Variants in ADAMTS3 observed in about 807,000 individuals in gnomAD.
The protein encoded by ADAMTS3 is A disintegrin and metalloproteinase with thrombospondin motifs 3.
A neutral mutation model predicts 129.0 loss-of-function variants in ADAMTS3; 73 were observed. The ratio of observed to expected loss-of-function variants is 0.57; its 90% CI spans 0.47 to 0.69. The LOEUF is 0.69. Ranked by LOEUF, ADAMTS3 falls within the 30% of genes least tolerant of loss-of-function variation. The probability of loss-of-function intolerance (pLI) is 0.00; values close to 1 mark genes in which losing one functional copy is unlikely to be tolerated. For missense variants in ADAMTS3, 1,457 were observed against 1,514.5 expected, an observed-to-expected ratio of 0.96 and a Z score of 0.63; for synonymous variants, 477 against 510.8, an observed-to-expected ratio of 0.93 and a Z score of 0.89.
At chr4:72,322,919 T>A in intron 6 of ADAMTS3, 95 bp downstream of exon 6, 3 of 977,518 alleles carry the variant, frequency 3.1e-6, no homozygotes, top group Non-Finnish European at 4.8e-6. Flanking sequence ...ATGGAATATA[T>A]CTATGCCTTA....
chr4:72,329,739 A>T (rs1449375470), intron 5 of ADAMTS3, among the ~76,000 whole-genome samples: 1 of 149,582 alleles, frequency 6.7e-6, no homozygotes, highest in African/African-American at 2.5e-5. Context: ...AACATTCTCA[A>T]CTTTCTTTCA....
chr4:72,406,837 T>C (rs1722064422), intron 4 of ADAMTS3, among the ~76,000 whole-genome samples: 1 of 152,140 alleles, frequency 6.6e-6, no homozygotes, highest in African/African-American at 2.4e-5. Context: ...ATAGTCCCAA[T>C]ATGTTTCAGA....
chr4:72,432,789 A>G (rs1722730632), intron 3 of ADAMTS3, among the ~76,000 whole-genome samples: 1 of 151,932 alleles, frequency 6.6e-6, no homozygotes, highest in African/African-American at 2.4e-5. Context: ...ACATTTTTTT[A>G]CATAATCAGT....
chr4:72,296,974 T>A (rs1010199670), intron 18 of ADAMTS3, among the ~76,000 whole-genome samples: 1 of 152,132 alleles, frequency 6.6e-6, no homozygotes, highest in Admixed American at 6.6e-5. Flanking sequence ...TTGGGCCTGT[T>A]TAACTGTGTT....
chr4:72,456,975 A>T (rs777087775), intron 3 of ADAMTS3, among the ~76,000 whole-genome samples: 1 of 151,730 alleles, frequency 6.6e-6, no homozygotes, highest in African/African-American at 2.4e-5. Context: ...TTAAGTTTGT[A>T]GAAATCATCA....
intron 3 of ADAMTS3, among the ~76,000 whole-genome samples, chr4:72,506,861 T>G (rs1452753652): frequency 6.6e-6 from 1 of 152,182 alleles, no homozygotes; most frequent in Non-Finnish European, 1.5e-5. Context: ...TCCTTCATGA[T>G]TCCAGTGGAT....
At chr4:72,453,121 A>G (rs919129148) in intron 3 of ADAMTS3, among the ~76,000 whole-genome samples, 1 of 151,838 alleles carries the variant, frequency 6.6e-6, no homozygotes, top group Non-Finnish European at 1.5e-5. Flanking sequence ...GCCACAGGCC[A>G]TTGCTTTATT....
intron 3 of ADAMTS3, among the ~76,000 whole-genome samples, chr4:72,448,639 A>C (rs1011229534): frequency 1.3e-5 from 2 of 151,710 alleles, no homozygotes; most frequent in Non-Finnish European, 2.9e-5. Flanking sequence ...AACTGTTCTA[A>C]ACTTTTCAAT....
chr4:72,530,966 T>C (rs1721027107), intron 3 of ADAMTS3, among the ~76,000 whole-genome samples: 1 of 149,602 alleles, frequency 6.7e-6, no homozygotes, highest in Non-Finnish European at 1.5e-5. Flanking sequence ...AAAGTCATAG[T>C]AAAATGTTTG....
chr4:72,516,277 T>A (rs1033171922), intron 3 of ADAMTS3, among the ~76,000 whole-genome samples: 1 of 152,198 alleles, frequency 6.6e-6, no homozygotes, highest in African/African-American at 2.4e-5. Context: ...GCGTGATGCC[T>A]CCAGCTTCGT....
chr4:72,335,437 A>C (rs947694003), intron 5 of ADAMTS3, among the ~76,000 whole-genome samples: 14 of 152,146 alleles, frequency 9.2e-5, no homozygotes, highest in African/African-American at 3.4e-4. Flanking sequence ...ACAACAGATA[A>C]ACCAAAGGGA....
chr4:72,521,828 A>G (rs1288170051), intron 3 of ADAMTS3, among the ~76,000 whole-genome samples: 1 of 152,208 alleles, frequency 6.6e-6, no homozygotes, highest in Non-Finnish European at 1.5e-5. Flanking sequence ...ATAGTAACCC[A>G]CATATAAATG....
intron 3 of ADAMTS3, among the ~76,000 whole-genome samples, chr4:72,445,525 C>A (rs570279450): frequency 6.6e-6 from 1 of 151,726 alleles, no homozygotes; most frequent in South Asian, 2.1e-4. Flanking sequence ...ATAGAAGGAA[C>A]TTTTAATGCC....
At position 72,452,756 on chromosome 4, in the gene ADAMTS3, G is replaced by A. The variant is rs184723828; in HGVS notation, c.505-37785C>T. Among the ~76,000 whole-genome samples, 78 of 151,794 alleles carry A rather than the reference G, an allele frequency of 5.1e-4. 2 individuals carry two copies. The East Asian group carries it at 0.011, about 21-fold the overall frequency. ...CCTACAAATTGGGCAGGTTCCCTGG[G>A]CTTTGGTACCTGCCCACCACTTCCT... On this transcript the variant is annotated intron_variant, in intron 3 of 21. Transcript: ENST00000286657.
At chr4:72,286,868 G>T (rs1718519071) in intron 21 of ADAMTS3, among the ~76,000 whole-genome samples, 1 of 152,006 alleles carries the variant, frequency 6.6e-6, no homozygotes, top group African/African-American at 2.4e-5. Context: ...AAGAGAAAAA[G>T]ATGTCAGTGG....
chr4:72,325,857 T>G (rs74471942), intron 5 of ADAMTS3, among the ~76,000 whole-genome samples: 1,690 of 152,230 alleles, frequency 0.011, 19 homozygotes, highest in African/African-American at 0.039. Context: ...CTTGTGATAT[T>G]TGAGTTAGTA....
chr4:72,488,069 T>G (rs1719636879), intron 3 of ADAMTS3, among the ~76,000 whole-genome samples: 1 of 152,206 alleles, frequency 6.6e-6, no homozygotes, highest in East Asian at 1.9e-4. Context: ...CCAGAAAAGT[T>G]ACACAATCAA....
At chr4:72,530,469 T>A (rs932695752) in intron 3 of ADAMTS3, among the ~76,000 whole-genome samples, 1 of 89,688 alleles carries the variant, frequency 1.1e-5, no homozygotes, top group Non-Finnish European at 1.9e-5. Context: ...TTAAATATAT[T>A]AATTTAATAT....
chr4:72,480,509 C>A (rs1458077594), intron 3 of ADAMTS3, among the ~76,000 whole-genome samples: 4 of 151,096 alleles, frequency 2.6e-5, no homozygotes, highest in African/African-American at 9.8e-5. Flanking sequence ...AACACATGGA[C>A]ACAGGAAGGG....
Sources: gnomAD v4.1 joint callset for allele counts (sites outside exome capture counted in the v4.1 genomes callset) on GRCh38, gnomAD v4.1.1 for gene constraint, MANE v1.5 for transcripts, NCBI Gene and HGNC (gene_info 2026-07-23, HGNC 2026-07-21) for gene names.